Variants in SH3GLB1 observed in about 807,000 individuals in gnomAD.
The protein encoded by SH3GLB1 is endophilin-B1.
Under a neutral mutation model 42.0 loss-of-function variants are expected in SH3GLB1, and 17 were observed. The observed-to-expected ratio is 0.40, with a 90% CI of 0.28 to 0.61. The LOEUF (loss-of-function observed/expected upper bound fraction) is 0.61, where lower values mean the gene tolerates loss of function less well. Ranked by LOEUF, SH3GLB1 falls within the 20% of genes least tolerant of loss-of-function variation. The pLI is 0.36. For missense variants in SH3GLB1, 355 were observed against 426.3 expected, an observed-to-expected ratio of 0.83 and a Z score of 1.47; for synonymous variants, 132 against 146.6, an observed-to-expected ratio of 0.90 and a Z score of 0.72.
chr1:86,730,175 A>T, intron 5 of SH3GLB1: 1 of 1,546,386 alleles, frequency 6.5e-7, no homozygotes, highest in Non-Finnish European at 8.7e-7. Context: ...TTCAGTAAAT[A>T]TGTATTGGGC....
At chr1:86,738,113 A>T (rs1655867423) in intron 7 of SH3GLB1, among the ~76,000 whole-genome samples, 1 of 152,156 alleles carries the variant, frequency 6.6e-6, no homozygotes, top group Non-Finnish European at 1.5e-5. Flanking sequence ...AAGCTGACTG[A>T]TCTGTTTCAA....
rs1472157941 is a variant in SH3GLB1 at position 86,746,248 on chromosome 1, G to A, written c.*3013G>A. The A allele has an allele frequency of 6.6e-6, 1 of 152,322 alleles. No individual in the cohort carries two copies. The highest frequency in any genetic ancestry group is 1.9e-4 in the East Asian group (1 of 5,184). 9.4% of individuals were successfully genotyped at this position (152,322 alleles called of 1,614,324 possible). A position where few individuals can be genotyped will look rare whatever the true frequency, so the allele number is the denominator to read the frequency against. On this transcript the variant is annotated 3_prime_UTR_variant, in exon 9 of 9. Coordinates refer to ENST00000370558, the MANE Select transcript of SH3GLB1 (RefSeq NM_016009.5). ...ACATTTCTGGGATAAACTGTGGAGTGGAGAAGACAATGGAGGGCAAGGCAA... is the reference window on the plus strand; with the variant it reads ...ACATTTCTGGGATAAACTGTGGAGTAGAGAAGACAATGGAGGGCAAGGCAA...
intron 1 of SH3GLB1, among the ~76,000 whole-genome samples, chr1:86,705,223 C>A (rs900694988): frequency 5.9e-5 from 9 of 152,186 alleles, no homozygotes; most frequent in Non-Finnish European, 1.2e-4. Context: ...CCTCCCACCC[C>A]TGGGGAACAC....
chr1:86,743,015 C>T (rs1446303933), intron 8 of SH3GLB1, 113 bp from the exon 9 acceptor site: 19 of 803,900 alleles, frequency 2.4e-5, no homozygotes, highest in East Asian at 1.6e-4. Context: ...TTGATAATAA[C>T]GTTTAAAGTC....
chr1:86,740,682 G>A (rs1656017903), intron 7 of SH3GLB1, among the ~76,000 whole-genome samples: 1 of 152,138 alleles, frequency 6.6e-6, no homozygotes, highest in East Asian at 1.9e-4. Context: ...AGATCTAGAT[G>A]TGACTGTGGG....
chr1:86,714,885 C>G (rs1286575505), intron 1 of SH3GLB1, among the ~76,000 whole-genome samples: 3 of 152,162 alleles, frequency 2.0e-5, no homozygotes, highest in South Asian at 2.1e-4. Flanking sequence ...TACACAGAAT[C>G]TTTTTACTGC....
At chr1:86,736,341 T>G (rs930171318) in intron 7 of SH3GLB1, among the ~76,000 whole-genome samples, 1 of 152,216 alleles carries the variant, frequency 6.6e-6, no homozygotes, top group African/African-American at 2.4e-5. Context: ...TTTCTGCACA[T>G]TAACACTTCA....
rs556690703 is a variant in SH3GLB1, at chr1:86,743,976, T to C, written c.*741T>C. 1 of 152,752 alleles carries C rather than the reference T, an allele frequency of 6.5e-6. No homozygotes were observed. The highest frequency in any genetic ancestry group is 2.1e-4 in the South Asian group (1 of 4,826). 9.5% of individuals were successfully genotyped at this position (152,752 alleles called of 1,614,324 possible). A position where few individuals can be genotyped will look rare whatever the true frequency, so the allele number is the denominator to read the frequency against. On this transcript the variant is annotated 3_prime_UTR_variant, in exon 9 of 9. Transcript: ENST00000370558. ...ACATAAAGTTTTTAAGATTATTCAG[T>C]TGGCACAATTTAATGCATAATTGGG...
chr1:86,733,588 C>G (rs1217830953), intron 5 of SH3GLB1, among the ~76,000 whole-genome samples: 1 of 152,106 alleles, frequency 6.6e-6, no homozygotes. Context: ...GCTAACTATT[C>G]TGAGTAAGCT....
chr1:86,724,439 C>CT (rs1215266259), intron 5 of SH3GLB1, 34 bp downstream of exon 5: 13 of 1,437,134 alleles, frequency 9.0e-6, no homozygotes, highest in Non-Finnish European at 1.2e-5. Flanking sequence ...TGATTAATAA[C>CT]TTTAAGATTT....
At chr1:86,736,094 A>G (rs987938353) in intron 7 of SH3GLB1, among the ~76,000 whole-genome samples, 13 of 152,076 alleles carry the variant, frequency 8.5e-5, no homozygotes, top group Non-Finnish European at 1.9e-4. Flanking sequence ...AAGTTCGGGG[A>G]ACTGATAGTA....
At chr1:86,733,361 T>C (rs1655610338) in intron 5 of SH3GLB1, among the ~76,000 whole-genome samples, 1 of 152,204 alleles carries the variant, frequency 6.6e-6, no homozygotes. Context: ...AGGGTAACTA[T>C]TGCCACCAAA....
At chr1:86,722,010 CT>C (rs377380040) in intron 3 of SH3GLB1, among the ~76,000 whole-genome samples, 423 of 111,614 alleles carry the variant, frequency 3.8e-3, no homozygotes, top group Middle Eastern at 9.5e-3. Flanking sequence ...AGGCAACCAT[CT>C]TTTTTTTTTT....
intron 1 of SH3GLB1, among the ~76,000 whole-genome samples, chr1:86,714,589 A>G (rs897398895): frequency 1.3e-5 from 2 of 152,214 alleles, no homozygotes; most frequent in African/African-American, 4.8e-5. Context: ...GGTGTTGATA[A>G]TAACCTGAAA....
In SH3GLB1 at chr1:86,714,558, C is replaced by G. The variant is rs139699170; in HGVS notation, c.73-1166C>G. Reference sequence around the variant, plus strand: ...TAACCAGAAGTCTAAGAATAGAATTCTAGAGGATCCTTCAGCTTAAGGTGT... The same window carrying G: ...TAACCAGAAGTCTAAGAATAGAATTGTAGAGGATCCTTCAGCTTAAGGTGT... On this transcript the variant is annotated intron_variant, in intron 1 of 8. Transcript: ENST00000370558. 5.3e-4 allele frequency among the ~76,000 whole-genome samples: 80 copies of G among 152,246 alleles called. 1 individual carries two copies. The highest frequency in any genetic ancestry group is 1.9e-3 in the African/African-American group (79 of 41,554).
intron 1 of SH3GLB1, among the ~76,000 whole-genome samples, chr1:86,711,702 G>T (rs181348854): frequency 4.1e-4 from 62 of 152,066 alleles, no homozygotes; most frequent in African/African-American, 1.5e-3. Flanking sequence ...ATTTTTATGG[G>T]TTAATTTAAA....
At chr1:86,705,357 C>G (rs911928583) in intron 1 of SH3GLB1, among the ~76,000 whole-genome samples, 29 of 152,280 alleles carry the variant, frequency 1.9e-4, no homozygotes, top group African/African-American at 6.7e-4. Context: ...CTTGCACTAC[C>G]CCCCACCCTT....
In SH3GLB1 at chr1:86,744,231, A is replaced by G. The variant is rs528493941; in HGVS notation, c.*996A>G. ...ACACATACTAATGAAATTATTAGTG[A>G]CACATTGGAAGCTAGAAAATTGCTG... On this transcript the variant is annotated 3_prime_UTR_variant, in exon 9 of 9. Transcript: ENST00000370558. The G allele has an allele frequency of 7.2e-5, 11 of 152,324 alleles. No individual in the cohort carries two copies. The highest frequency in any genetic ancestry group is 2.6e-4 in the African/African-American group (11 of 41,586). 9.4% of individuals were successfully genotyped at this position (152,324 alleles called of 1,614,324 possible).
chr1:86,726,369 G>T (rs971455346), intron 5 of SH3GLB1, among the ~76,000 whole-genome samples: 1 of 152,000 alleles, frequency 6.6e-6, no homozygotes, highest in African/African-American at 2.4e-5. Context: ...TTTTACCACT[G>T]CTATTAAAAT....
Sources: gnomAD v4.1 joint callset for allele counts (sites outside exome capture counted in the v4.1 genomes callset) on GRCh38, gnomAD v4.1.1 for gene constraint, MANE v1.5 for transcripts, NCBI Gene and HGNC (gene_info 2026-07-23, HGNC 2026-07-21) for gene names.